Variants in KDM4C observed in about 807,000 individuals in gnomAD.
KDM4C encodes lysine demethylase 4C.
A neutral mutation model predicts 129.3 loss-of-function variants in KDM4C; 81 were observed. The ratio of observed to expected loss-of-function variants is 0.63; its 90% CI spans 0.52 to 0.75. The LOEUF is 0.75. Ranked by LOEUF, KDM4C falls within the 30% of genes least tolerant of loss-of-function variation. The pLI, the probability that KDM4C is intolerant of heterozygous loss-of-function variation, is 0.00. For synonymous variants in KDM4C, 573 were observed against 456.1 expected (o/e 1.26, Z -3.26); for missense variants, 1,457 against 1,304.0 (o/e 1.12, Z -1.81).
chr9:7,063,178 A>C (rs1831954111), intron 17 of KDM4C, among the ~76,000 whole-genome samples: 2 of 152,204 alleles, frequency 1.3e-5, no homozygotes, highest in African/African-American at 4.8e-5. Flanking sequence ...TGTAAGAGAT[A>C]GTTTTGGGGA....
In KDM4C at chr9:6,986,551, A is replaced by G; in HGVS notation, c.1562A>G (p.Asn521Ser). 1 of 1,614,096 alleles carries G rather than the reference A, an allele frequency of 6.2e-7. No homozygotes were observed. The highest frequency in any genetic ancestry group is 8.5e-7 in the Non-Finnish European group (1 of 1,180,002). ...TCATGCTCATCAGTGGCAGAGAGTA[A>G]TGGTGTGTTAACAGAGGGAGAAGAG... is the stretch of plus-strand genomic sequence containing the variant. Reference protein sequence around the residue: ...PESCSSVAESNGVLTEGEESD... With the variant: ...PESCSSVAESSGVLTEGEESD... The change falls in exon 11 of 22, where the codon AAT (asparagine) becomes AGT (serine). Residue 521 changes from asparagine to serine, a missense_variant. Asn to Ser is a conservative substitution (Grantham distance 46). Coordinates refer to ENST00000381309, the MANE Select transcript of KDM4C (RefSeq NM_015061.6).
chr9:6,742,174 T>C (rs151002613), intron 1 of KDM4C, among the ~76,000 whole-genome samples: 2 of 149,388 alleles, frequency 1.3e-5, no homozygotes, highest in African/African-American at 5.1e-5. Context: ...GGTTTCACCA[T>C]GTTAGTCAGG....
At chr9:7,023,966 T>C (rs1338946621) in intron 15 of KDM4C, among the ~76,000 whole-genome samples, 1 of 152,246 alleles carries the variant, frequency 6.6e-6, no homozygotes, top group Middle Eastern at 3.2e-3. Context: ...TATTGATTTC[T>C]ATTTTTATTC....
chr9:6,925,221 G>A (rs1173709370), intron 8 of KDM4C: 2 of 985,276 alleles, frequency 2.0e-6, no homozygotes, highest in African/African-American at 3.5e-5. Context: ...TCATGTGAGA[G>A]CTGTGGCAGA....
chr9:7,074,324 T>C (rs1833615846), intron 17 of KDM4C, among the ~76,000 whole-genome samples: 1 of 152,072 alleles, frequency 6.6e-6, no homozygotes, highest in Non-Finnish European at 1.5e-5. Flanking sequence ...CCAACTTGCA[T>C]GGCTAATTTT....
intron 12 of KDM4C, among the ~76,000 whole-genome samples, chr9:7,005,050 T>G (rs1348334089): frequency 6.6e-6 from 1 of 152,142 alleles, no homozygotes; most frequent in Admixed American, 6.5e-5. Context: ...GACAAAGGCT[T>G]GAGTCAACAC....
chr9:6,823,503 C>G (rs1216808988), intron 4 of KDM4C, among the ~76,000 whole-genome samples: 1 of 152,154 alleles, frequency 6.6e-6, no homozygotes, highest in Non-Finnish European at 1.5e-5. Context: ...GGATGGTGCC[C>G]TACCTGTCAC....
At chr9:6,982,312 G>C (rs1816909651) in intron 9 of KDM4C, 6 of 152,056 alleles carry the variant, frequency 3.9e-5, no homozygotes. Context: ...CATCTTATAA[G>C]AGGTAGACCT....
chr9:6,735,024 G>C, intron 1 of KDM4C: 1 of 505,202 alleles, frequency 2.0e-6, no homozygotes, highest in South Asian at 1.6e-5. Context: ...TGCAGCTATT[G>C]TAAGAGTTTC....
chr9:7,076,385 A>T, intron 17 of KDM4C: 1 of 1,309,378 alleles, frequency 7.6e-7, no homozygotes, highest in African/African-American at 1.5e-5. Context: ...ACTATAATTT[A>T]TTAAAATCTG....
At chr9:6,942,282 A>AGTGTGTGTGTGTGTGTGTGT (rs58676459) in intron 8 of KDM4C, among the ~76,000 whole-genome samples, 30 of 142,712 alleles carry the variant, frequency 2.1e-4, no homozygotes, top group African/African-American at 6.8e-4. Flanking sequence ...TAGCCCTCAA[A>AGTGTGTGTGTGTGTGTGTGT]GTGTGTGTGT....
chr9:6,938,073 C>T lies in KDM4C; in HGVS notation c.922-42852C>T, dbSNP rs141053572. Among the ~76,000 whole-genome samples, 87 of 152,224 alleles carry T rather than the reference C, an allele frequency of 5.7e-4. 2 individuals carry two copies. In the East Asian group the frequency reaches 0.016, roughly 28 times the overall value. ...CTTTCAATATTTTACAAATTGCTAA[C>T]ATATATCACATAAATGGGACAGAAT... On this transcript the variant is annotated intron_variant, in intron 8 of 21. Coordinates refer to ENST00000381309, the MANE Select transcript of KDM4C (RefSeq NM_015061.6).
At chr9:7,107,353 C>T (rs1837805793) in intron 18 of KDM4C, among the ~76,000 whole-genome samples, 1 of 152,196 alleles carries the variant, frequency 6.6e-6, no homozygotes. Flanking sequence ...AACAAATAGT[C>T]AGCTACCTAT....
At chr9:6,805,576 T>G (rs1829817534) in intron 2 of KDM4C, 23 bp from the exon 3 acceptor site, 2 of 1,557,466 alleles carry the variant, frequency 1.3e-6, no homozygotes, top group African/African-American at 1.4e-5. Flanking sequence ...AGATGATATT[T>G]TATTTCATTA....
intron 8 of KDM4C, among the ~76,000 whole-genome samples, chr9:6,902,097 C>T (rs1305984516): frequency 6.6e-6 from 1 of 152,136 alleles, no homozygotes; most frequent in Non-Finnish European, 1.5e-5. Context: ...TCTTCTGCAT[C>T]TTCTATTTTT....
At chr9:7,148,984 G>A (rs1396337528) in intron 19 of KDM4C, among the ~76,000 whole-genome samples, 1 of 152,172 alleles carries the variant, frequency 6.6e-6, no homozygotes, top group Non-Finnish European at 1.5e-5. Context: ...GGCCATCCCT[G>A]GCTTGAAGGT....
chr9:6,824,638 CA>C (rs144032826), intron 4 of KDM4C, among the ~76,000 whole-genome samples: 10,507 of 126,996 alleles, frequency 0.083, 518 homozygotes, highest in Non-Finnish European at 0.13. Context: ...GACTCCGTCT[CA>C]AAAAAAAAAA....
intron 1 of KDM4C, among the ~76,000 whole-genome samples, chr9:6,774,627 C>T (rs950993075): frequency 2.0e-5 from 3 of 151,976 alleles, no homozygotes; most frequent in African/African-American, 4.8e-5. Context: ...ACTGTGCTAC[C>T]GCACTCCAGC....
intron 1 of KDM4C, among the ~76,000 whole-genome samples, chr9:6,777,249 T>G (rs1160142935): frequency 6.6e-6 from 1 of 152,216 alleles, no homozygotes; most frequent in Non-Finnish European, 1.5e-5. Flanking sequence ...GAAGCAGACC[T>G]TAAGCACCCA....
Sources: gnomAD v4.1 joint callset for allele counts (sites outside exome capture counted in the v4.1 genomes callset) on GRCh38, gnomAD v4.1.1 for gene constraint, MANE v1.5 for transcripts, NCBI Gene and HGNC (gene_info 2026-07-23, HGNC 2026-07-21) for gene names.